The following MAP3K4 variants were observed in gnomAD, a reference collection of about 807,000 sequenced individuals.
MAP3K4 encodes mitogen-activated protein kinase kinase kinase 4.
In MAP3K4, 67 loss-of-function variants were observed where a neutral mutation model predicts 185.6. That is an observed-to-expected ratio of 0.36 (90% CI 0.30 to 0.44). The LOEUF (loss-of-function observed/expected upper bound fraction) is 0.44, where lower values mean the gene tolerates loss of function less well. Ranked by LOEUF, MAP3K4 falls within the 20% of genes least tolerant of loss-of-function variation. The pLI is 1.00. For synonymous variants in MAP3K4, 702 were observed against 710.4 expected, an observed-to-expected ratio of 0.99 and a Z score of 0.19; for missense variants, 1,551 against 1,995.1, an observed-to-expected ratio of 0.78 and a Z score of 4.24.
intron 5 of MAP3K4, among the ~76,000 whole-genome samples, chr6:161,079,942 G>A (rs1785368516): frequency 6.6e-6 from 1 of 152,180 alleles, no homozygotes; most frequent in African/African-American, 2.4e-5. Flanking sequence ...CTGAGATGTA[G>A]CCTGGTGAAA....
chr6:161,024,817 C>T (rs954321238), intron 1 of MAP3K4, among the ~76,000 whole-genome samples: 2 of 152,300 alleles, frequency 1.3e-5, no homozygotes, highest in Middle Eastern at 3.4e-3. Flanking sequence ...CTTTCTGTCA[C>T]CAGAGTGTAG....
chr6:161,004,701 C>T (rs1391934369), intron 1 of MAP3K4, among the ~76,000 whole-genome samples: 1 of 152,078 alleles, frequency 6.6e-6, no homozygotes, highest in African/African-American at 2.4e-5. Flanking sequence ...ATATTTAACC[C>T]AAGTGACAAT....
At chr6:161,066,719 C>T (rs1737260375) in intron 3 of MAP3K4, among the ~76,000 whole-genome samples, 1 of 152,176 alleles carries the variant, frequency 6.6e-6, no homozygotes, top group Non-Finnish European at 1.5e-5. Context: ...TCCTCTCTGT[C>T]TGGACATGTA....
chr6:161,071,970 G>T lies in MAP3K4; in HGVS notation c.1950+1120G>T, dbSNP rs1784963156. ...TTTATCTTTTGTTGATGGGGCTATT[G>T]TGAGGACTAAATAGTAATGTATGTT... On this transcript the variant is annotated intron_variant, in intron 4 of 26. Coordinates refer to ENST00000392142, the MANE Select transcript of MAP3K4 (RefSeq NM_005922.4). This position sits in a 1 kb window ranked among gnomAD's most constrained non-coding sequence, Gnocchi z 4.6. 1.3e-5 allele frequency among the ~76,000 whole-genome samples: 2 copies of T among 152,162 alleles called. No individual in the cohort carries two copies. Among genetic ancestry groups the T allele is most frequent in the Admixed American group, 1.3e-4 (2 of 15,276 alleles).
chr6:161,098,043 C>T lies in MAP3K4; in HGVS notation c.3525-235C>T, dbSNP rs1181942893. 1.3e-5 allele frequency among the ~76,000 whole-genome samples: 2 copies of T among 151,942 alleles called. No individual in the cohort carries two copies. Among genetic ancestry groups the T allele is most frequent in the Non-Finnish European group, 2.9e-5 (2 of 67,986 alleles). ...TCAAGGCTGCAGTGAGCTATGATTG[C>T]GCCACTGCACTCCAGCCTGGACAAC... On this transcript the variant is annotated intron_variant, in intron 16 of 26. Transcript: ENST00000392142. The surrounding 1 kb of genome is among the most constrained non-coding windows in gnomAD (Gnocchi z 4.4).
At chr6:161,010,335 A>T (rs1381981535) in intron 1 of MAP3K4, among the ~76,000 whole-genome samples, 10 of 152,192 alleles carry the variant, frequency 6.6e-5, no homozygotes, top group Non-Finnish European at 1.5e-4. Context: ...GTTTGTTACA[A>T]CTTTTTTAAA....
rs1169433370 is a variant in MAP3K4, at chr6:161,043,321, T to C, written c.344-5295T>C. 6.6e-6 allele frequency among the ~76,000 whole-genome samples: 1 copy of C among 152,252 alleles called. No individual in the cohort carries two copies. Among genetic ancestry groups the C allele is most frequent in the Non-Finnish European group, 1.5e-5 (1 of 68,034 alleles). On this transcript the variant is annotated intron_variant, in intron 2 of 26. Coordinates refer to ENST00000392142, the MANE Select transcript of MAP3K4 (RefSeq NM_005922.4). The surrounding 1 kb of genome is among the most constrained non-coding windows in gnomAD (Gnocchi z 4.3). ...GGCTTCAGATATGCTCTTGCCTTCT[T>C]TACTTCCCTTATTTAAGCTTCCATT...
intron 1 of MAP3K4, among the ~76,000 whole-genome samples, chr6:161,003,974 A>G (rs757454797): frequency 1.3e-5 from 2 of 152,086 alleles, no homozygotes; most frequent in Non-Finnish European, 2.9e-5. Flanking sequence ...ATAAAAGTAT[A>G]TAAATATAAT....
At position 161,088,092 on chromosome 6, in the gene MAP3K4, T is replaced by G. The variant is rs1437162271; in HGVS notation, c.2823+138T>G. 1 of 743,996 alleles carries G rather than the reference T, an allele frequency of 1.3e-6. No homozygotes were observed. The highest frequency in any genetic ancestry group is 1.8e-5 in the African/African-American group (1 of 56,082). 46.1% of individuals were successfully genotyped at this position (743,996 alleles called of 1,614,324 possible). A position where few individuals can be genotyped will look rare whatever the true frequency, so the allele number is the denominator to read the frequency against. ...TACTTCCCAAAAATATGCCTCAATG[T>G]GTTAATAGGTCATTTTGCAGCATAA... On this transcript the variant is annotated intron_variant, in intron 10 of 26. Transcript: ENST00000392142. The surrounding 1 kb of genome is among the most constrained non-coding windows in gnomAD (Gnocchi z 4.5).
chr6:161,092,003 C>T lies in MAP3K4; in HGVS notation c.3136-7C>T, dbSNP rs1339914728. 1.9e-6 allele frequency: 3 copies of T among 1,607,082 alleles called. No individual in the cohort carries two copies. The highest frequency in any genetic ancestry group is 1.7e-5 in the Admixed American group (1 of 59,984). On this transcript the variant is annotated splice_polypyrimidine_tract_variant and splice_region_variant and intron_variant, in intron 12 of 26. Transcript: ENST00000392142. ...TTAATGTTGATATACATGAAATCTT[C>T]TTACAGTATCATAAAGAAGTTGTTC... is the stretch of plus-strand genomic sequence containing the variant.
intron 2 of MAP3K4, among the ~76,000 whole-genome samples, chr6:161,038,418 A>G (rs1783284208): frequency 6.6e-6 from 1 of 152,214 alleles, no homozygotes; most frequent in African/African-American, 2.4e-5. Context: ...GCTTTTTAGA[A>G]TTAATTAGAT....
chr6:161,113,592 C>T (rs1778448342), intron 25 of MAP3K4, among the ~76,000 whole-genome samples: 1 of 152,038 alleles, frequency 6.6e-6, no homozygotes, highest in South Asian at 2.1e-4. Flanking sequence ...GCGAACTACA[C>T]ATAGTAGAGG....
At position 161,115,435 on chromosome 6, in the gene MAP3K4, G is replaced by A. The variant is rs1256851188; in HGVS notation, c.4806+133G>A. Reference sequence around the variant, plus strand: ...GGAAAGGAACTAAATGTATTATTATGCCAGGGATTTTTGTATGTGTTTTTT... The same window carrying A: ...GGAAAGGAACTAAATGTATTATTATACCAGGGATTTTTGTATGTGTTTTTT... On this transcript the variant is annotated intron_variant, in intron 26 of 26. Transcript: ENST00000392142. The surrounding 1 kb of genome is among the most constrained non-coding windows in gnomAD (Gnocchi z 6.0). The A allele has an allele frequency of 4.0e-5, 34 of 851,834 alleles. No homozygotes were observed. The highest frequency in any genetic ancestry group is 5.4e-5 in the Non-Finnish European group (31 of 572,312). The allele number at this position is 851,834 out of a possible 1,614,324, so 52.8% of individuals were successfully genotyped here. A position where few individuals can be genotyped will look rare whatever the true frequency, so the allele number is the denominator to read the frequency against.
rs1450830701 is a variant in MAP3K4, at chr6:161,043,767, T to A, written c.344-4849T>A. 6.6e-6 allele frequency among the ~76,000 whole-genome samples: 1 copy of A among 152,190 alleles called. No individual in the cohort carries two copies. The highest frequency in any genetic ancestry group is 2.4e-5 in the African/African-American group (1 of 41,450). On this transcript the variant is annotated intron_variant, in intron 2 of 26. Coordinates refer to ENST00000392142, the MANE Select transcript of MAP3K4 (RefSeq NM_005922.4). This position sits in a 1 kb window ranked among gnomAD's most constrained non-coding sequence, Gnocchi z 4.3. Reference sequence around the variant, plus strand: ...AAGCTTGAGCTAGATGATCTCTAAGTCCCTTCAGGTTGCTGACTTGTCTGG... The same window carrying A: ...AAGCTTGAGCTAGATGATCTCTAAGACCCTTCAGGTTGCTGACTTGTCTGG...
At position 161,063,186 on chromosome 6, in the gene MAP3K4, C is replaced by A. The variant is rs192206944; in HGVS notation, c.1708-7422C>A. ...TGATTTTTGATTAAAAAATTAAATT[C>A]TGAGTTCTATCACTGAGGTTTTTTT... is the stretch of plus-strand genomic sequence containing the variant. On this transcript the variant is annotated intron_variant, in intron 3 of 26. Transcript: ENST00000392142. This position sits in a 1 kb window ranked among gnomAD's most constrained non-coding sequence, Gnocchi z 5.4. Among the ~76,000 whole-genome samples, 90 of 151,966 alleles carry A rather than the reference C, an allele frequency of 5.9e-4. 2 individuals carry two copies. In the Middle Eastern group the frequency reaches 0.02, roughly 34 times the overall value.
chr6:161,111,691 C>A, intron 23 of MAP3K4, 145 bp from the exon 24 acceptor site: 2 of 835,932 alleles, frequency 2.4e-6, no homozygotes, highest in Non-Finnish European at 3.7e-6. Context: ...ACAAATCTTC[C>A]TATGATTACA....
chr6:161,006,112 A>G (rs1226107930), intron 1 of MAP3K4, among the ~76,000 whole-genome samples: 1 of 152,232 alleles, frequency 6.6e-6, no homozygotes, highest in African/African-American at 2.4e-5. Flanking sequence ...TAAACCAACA[A>G]TATAAACTAG....
rs1387962876 is a variant in MAP3K4, at chr6:161,041,920, TTTTTTC to T, written c.344-6690_344-6685del. On this transcript the variant is annotated intron_variant, in intron 2 of 26. Transcript: ENST00000392142. The stretch of plus-strand genomic sequence containing the variant: ...GCCTTGAGTTATTGTTTCTTTTTTT[TTTTTTC>T]TTTTTTTTTTTTTTAGAGATGGGGT... Among the ~76,000 whole-genome samples, 64 of 61,472 alleles carry T rather than the reference TTTTTTC, an allele frequency of 1.0e-3. 2 individuals are homozygous for T. Among genetic ancestry groups the T allele is most frequent in the African/African-American group, 4.0e-3 (64 of 15,972 alleles). 40.3% of individuals were successfully genotyped at this position (61,472 alleles called of 152,430 possible).
At position 161,080,667 on chromosome 6, in the gene MAP3K4, A is replaced by G; in HGVS notation, c.2098-214A>G. The G allele has an allele frequency of 6.0e-6, 3 of 503,306 alleles. No homozygotes were observed. In the South Asian group the frequency reaches 7.0e-5, roughly 12 times the overall value. 31.2% of individuals were successfully genotyped at this position (503,306 alleles called of 1,614,324 possible). A position where few individuals can be genotyped will look rare whatever the true frequency, so the allele number is the denominator to read the frequency against. On this transcript the variant is annotated intron_variant, in intron 5 of 26. Coordinates refer to ENST00000392142, the MANE Select transcript of MAP3K4 (RefSeq NM_005922.4). The surrounding 1 kb of genome is among the most constrained non-coding windows in gnomAD (Gnocchi z 4.8). ...TTGAAGGGGTTGTCAATAATATGTT[A>G]AATTGCTGGGGAGTTAGTTTTGTGA...
Sources: allele counts gnomAD v4.1 joint callset (sites outside exome capture counted in the v4.1 genomes callset), GRCh38; gene constraint gnomAD v4.1.1; non-coding constraint Gnocchi (gnomAD v3.1); transcripts MANE v1.5; gene names NCBI Gene and HGNC (gene_info 2026-07-23, HGNC 2026-07-21).